PCDHA2: variants seen among roughly 807,000 people sequenced by gnomAD.
The protein encoded by PCDHA2 is protocadherin alpha-2.
A neutral mutation model predicts 66.0 loss-of-function variants in PCDHA2; 58 were observed. The observed-to-expected ratio is 0.88, with a 90% CI of 0.71 to 1.09. The LOEUF (loss-of-function observed/expected upper bound fraction) is 1.09. PCDHA2 is among the 50% of genes least tolerant of loss of function. The pLI is 0.00. For synonymous variants in PCDHA2, 634 were observed against 554.0 expected (o/e 1.14, Z -2.03); for missense variants, 1,267 against 1,242.3 (o/e 1.02, Z -0.30).
chr5:140,943,640 A>G (rs1288085106), intron 1 of PCDHA2, among the ~76,000 whole-genome samples: 1 of 152,224 alleles, frequency 6.6e-6, no homozygotes, highest in African/African-American at 2.4e-5. Context: ...TGGATTATGG[A>G]TAAAACCATC....
chr5:140,882,071 A>T (rs2058936449), intron 1 of PCDHA2: 4 of 864,074 alleles, frequency 4.6e-6, no homozygotes, highest in Admixed American at 2.9e-5. Context: ...GTTCATGCGC[A>T]TGGTGTCGCT....
intron 1 of PCDHA2, among the ~76,000 whole-genome samples, chr5:140,903,774 C>A (rs1466112745): frequency 6.6e-6 from 1 of 152,122 alleles, no homozygotes; most frequent in African/African-American, 2.4e-5. Context: ...ACTTTTCTAT[C>A]CATAAACTAT....
At chr5:140,970,139 A>G (rs1433151291) in intron 1 of PCDHA2, among the ~76,000 whole-genome samples, 3 of 152,124 alleles carry the variant, frequency 2.0e-5, no homozygotes, top group Non-Finnish European at 4.4e-5. Flanking sequence ...AGAAGGGAAA[A>G]AGAATTCTCC....
intron 1 of PCDHA2, chr5:140,825,414 T>A (rs1768561568): frequency 6.8e-6 from 1 of 146,716 alleles, no homozygotes. Context: ...ATATTTTATA[T>A]AATATATATA....
chr5:140,927,257 C>T, intron 1 of PCDHA2: 1 of 1,614,152 alleles, frequency 6.2e-7, no homozygotes, highest in Non-Finnish European at 8.5e-7. Flanking sequence ...GACAACTCAC[C>T]TCTCTTTCCT....
Position 140,796,621 on chromosome 5 carries a change from G to T in PCDHA2, c.1657G>T (p.Val553Leu), listed in dbSNP as rs1762111755. The T allele has an allele frequency of 6.2e-7, 1 of 1,611,868 alleles. No individual in the cohort carries two copies. Among genetic ancestry groups the T allele is most frequent in the Admixed American group, 1.7e-5 (1 of 59,846 alleles). Residue 553 changes from valine (V) to leucine (L), a missense_variant, in exon 1 of 4, where the codon GTG becomes TTG. Physicochemically the swap from Val to Leu is conservative, Grantham distance 32. Coordinates refer to ENST00000526136, the MANE Select transcript of PCDHA2 (RefSeq NM_018905.3). Reference protein sequence around the residue: ...PPLGSNVTLQVFVLDENDNAP... With the variant: ...PPLGSNVTLQLFVLDENDNAP... ...TCTGGGCAGCAACGTGACGCTGCAG[G>T]TGTTCGTGCTGGACGAGAACGACAA...
At chr5:140,844,212 C>T (rs1554140567) in intron 1 of PCDHA2, among the ~76,000 whole-genome samples, 1 of 149,426 alleles carries the variant, frequency 6.7e-6, no homozygotes, top group African/African-American at 2.4e-5. Context: ...GTCTGGTAGT[C>T]ACAAATATCT....
intron 1 of PCDHA2, chr5:140,812,583 T>A (rs2126640107): frequency 6.6e-6 from 1 of 152,290 alleles, no homozygotes; most frequent in East Asian, 1.9e-4. Context: ...ATCTTTCTTC[T>A]TTCTTCATTT....
intron 1 of PCDHA2, among the ~76,000 whole-genome samples, chr5:140,941,542 C>T (rs782270560): frequency 4.0e-5 from 6 of 151,842 alleles, no homozygotes; most frequent in Non-Finnish European, 7.4e-5. Context: ...GTCTTGAACT[C>T]CTGACCTCGT....
At chr5:140,887,157 C>T (rs1200573671) in intron 1 of PCDHA2, among the ~76,000 whole-genome samples, 4 of 151,110 alleles carry the variant, frequency 2.6e-5, no homozygotes, top group African/African-American at 9.7e-5. Flanking sequence ...AGTACAGTGG[C>T]GTGATCTCGG....
At chr5:140,815,769 A>G (rs990997775) in intron 1 of PCDHA2, 1 of 152,144 alleles carries the variant, frequency 6.6e-6, no homozygotes, top group African/African-American at 2.4e-5. Context: ...AGGCAAGTCT[A>G]ATTGTGATCA....
chr5:140,835,736 C>A lies in PCDHA2; in HGVS notation c.2388+38384C>A, dbSNP rs2150243450. 6.2e-6 allele frequency: 10 copies of A among 1,613,590 alleles called. No individual in the cohort carries two copies. The African/African-American group carries it at 1.1e-4, about 17-fold the overall frequency. ...TGGAGGTGGCCGACGTGAACGACAA[C>A]GCCCCGGCGTTCGCGCAGCCCGAGT... is the stretch of plus-strand genomic sequence containing the variant. On this transcript the variant is annotated intron_variant, in intron 1 of 3. Transcript: ENST00000526136.
In PCDHA2 at chr5:140,835,437, C is replaced by G. The variant is rs150063888; in HGVS notation, c.2388+38085C>G. ...AAATGACAATGCTCCACAGTTGACTCTCACTTCCCTGTCTCTCCCTATTCC... is the reference window on the plus strand; with the variant it reads ...AAATGACAATGCTCCACAGTTGACTGTCACTTCCCTGTCTCTCCCTATTCC... On this transcript the variant is annotated intron_variant, in intron 1 of 3. Transcript: ENST00000526136. 1.9e-6 allele frequency: 3 copies of G among 1,612,848 alleles called. No individual in the cohort carries two copies. The highest frequency in any genetic ancestry group is 1.7e-4 in the Middle Eastern group (1 of 6,058).
Position 140,967,283 on chromosome 5 carries a change from C to G in PCDHA2, c.2389-11666C>G, listed in dbSNP as rs782468433. The G allele has an allele frequency of 1.7e-5, 27 of 1,613,040 alleles. No homozygotes were observed. The Admixed American group carries it at 3.7e-4, about 22-fold the overall frequency. ...AGCGCGCTTTCACATAGAGAGTGCG[C>G]AGGACCCCGACGTGGGCGCCAACTC... On this transcript the variant is annotated intron_variant, in intron 1 of 3. Transcript: ENST00000526136.
chr5:140,985,929 CG>C (rs2097179106), intron 3 of PCDHA2, among the ~76,000 whole-genome samples: 1 of 151,796 alleles, frequency 6.6e-6, no homozygotes, highest in Non-Finnish European at 1.5e-5. Flanking sequence ...TTAGTAGAGC[CG>C]GGGTTTCACT....
intron 1 of PCDHA2, chr5:140,809,362 G>C (rs782248893): frequency 6.2e-7 from 1 of 1,614,020 alleles, no homozygotes; most frequent in Admixed American, 1.7e-5. Context: ...GGTGCTCTGC[G>C]CTGCCCACCG....
rs1554132920 is a variant in PCDHA2 at position 140,830,554 on chromosome 5, C to A, written c.2388+33202C>A. The A allele has an allele frequency of 4.7e-6, 5 of 1,064,408 alleles. No individual in the cohort carries two copies. In the African/African-American group the frequency reaches 8.2e-5, roughly 18 times the overall value. 65.9% of individuals were successfully genotyped at this position (1,064,408 alleles called of 1,614,324 possible). A position where few individuals can be genotyped will look rare whatever the true frequency, so the allele number is the denominator to read the frequency against. ...TTATAATTGTTTTCCTCATATTTGT[C>A]TTCTATATTTCTGTTTTTAATTTTT... On this transcript the variant is annotated intron_variant, in intron 1 of 3. Coordinates refer to ENST00000526136, the MANE Select transcript of PCDHA2 (RefSeq NM_018905.3).
chr5:140,935,526 T>C (rs558710371), intron 1 of PCDHA2, among the ~76,000 whole-genome samples: 3 of 152,232 alleles, frequency 2.0e-5, no homozygotes, highest in Non-Finnish European at 4.4e-5. Flanking sequence ...GCATGTACAG[T>C]CAAATTATTG....
intron 1 of PCDHA2, chr5:140,870,851 C>A: frequency 6.2e-7 from 1 of 1,613,838 alleles, no homozygotes; most frequent in Non-Finnish European, 8.5e-7. Flanking sequence ...GTACCGCGGT[C>A]GGTGGGTGCG....
Sources: allele counts gnomAD v4.1 joint callset (sites outside exome capture counted in the v4.1 genomes callset), GRCh38; gene constraint gnomAD v4.1.1; transcripts MANE v1.5; gene names NCBI Gene and HGNC (gene_info 2026-07-23, HGNC 2026-07-21).